Variants in RAB37 observed in about 807,000 individuals in gnomAD.
RAB37 encodes the protein ras-related protein Rab-37.
In RAB37, 29 loss-of-function variants were observed where a neutral mutation model predicts 33.1. The ratio of observed to expected loss-of-function variants is 0.88; its 90% confidence interval spans 0.65 to 1.20. The LOEUF (loss-of-function observed/expected upper bound fraction) is 1.20, where lower values mean the gene tolerates loss of function less well. RAB37 is among the 50% of genes most tolerant of loss of function. The pLI, the probability that RAB37 is intolerant of heterozygous loss-of-function variation, is 0.00. For missense variants in RAB37, 299 were observed against 301.1 expected, an observed-to-expected ratio of 0.99 and a Z score of 0.05; for synonymous variants, 128 against 119.5, an observed-to-expected ratio of 1.07 and a Z score of -0.47.
Position 74,729,153 on chromosome 17 carries a change from C to A in RAB37, c.73-103C>A. On this transcript the variant is annotated intron_variant, in intron 1 of 7. Transcript: ENST00000340415. The surrounding 1 kb of genome is among the most constrained non-coding windows in gnomAD (Gnocchi z 4.2). ...TCTGTGTGTGTGTGTGCATGTTGTGCACATGCGTGCTTAGAAAGAATCCAC... is the reference window on the plus strand; with the variant it reads ...TCTGTGTGTGTGTGTGCATGTTGTGAACATGCGTGCTTAGAAAGAATCCAC... The A allele has an allele frequency of 2.6e-6, 2 of 768,816 alleles. No homozygotes were observed. The highest frequency in any genetic ancestry group is 1.8e-5 in the Admixed American group (1 of 55,338). 47.6% of individuals were successfully genotyped at this position (768,816 alleles called of 1,614,324 possible).
In RAB37 at chr17:74,712,715, A is replaced by G; in HGVS notation, c.73-16541A>G. The G allele has an allele frequency of 3.6e-6, 4 of 1,122,410 alleles. No homozygotes were observed. In the Admixed American group the frequency reaches 7.4e-5, roughly 21 times the overall value. The allele number at this position is 1,122,410 out of a possible 1,614,324, so 69.5% of individuals were successfully genotyped here. A position where few individuals can be genotyped will look rare whatever the true frequency, so the allele number is the denominator to read the frequency against. ...GGTGGGTATGTGGATGAAACGCACAAGGCTCATGCCATTAAGGACACCTTC... is the reference window on the plus strand; with the variant it reads ...GGTGGGTATGTGGATGAAACGCACAGGGCTCATGCCATTAAGGACACCTTC... On this transcript the variant is annotated intron_variant, in intron 1 of 7. Transcript: ENST00000340415.
intron 1 of RAB37, among the ~76,000 whole-genome samples, chr17:74,720,872 A>G (rs1437205426): frequency 6.6e-6 from 1 of 152,096 alleles, no homozygotes; most frequent in Non-Finnish European, 1.5e-5. Flanking sequence ...TAAGCGGTGG[A>G]AGTGGCTCTC....
chr17:74,718,357 A>G (rs2034195531), intron 1 of RAB37, among the ~76,000 whole-genome samples: 1 of 151,608 alleles, frequency 6.6e-6, no homozygotes. Flanking sequence ...ATCATATCAT[A>G]TCATATCCAC....
In RAB37 at chr17:74,729,410, A is replaced by G. The variant is rs751609858; in HGVS notation, c.183+44A>G. On this transcript the variant is annotated intron_variant, in intron 2 of 7. Coordinates refer to the RAB37 transcript ENST00000340415. This position sits in a 1 kb window ranked among gnomAD's most constrained non-coding sequence, Gnocchi z 4.2. Reference sequence around the variant, plus strand: ...TGCCAGCTCTGGGCCTGGGCTCAGGACCCCAGCGTGTTTCTGTTGAGTGCC... The same window carrying G: ...TGCCAGCTCTGGGCCTGGGCTCAGGGCCCCAGCGTGTTTCTGTTGAGTGCC... The G allele has an allele frequency of 7.3e-7, 1 of 1,370,800 alleles. No homozygotes were observed. The highest frequency in any genetic ancestry group is 1.7e-5 in the Admixed American group (1 of 59,710). 84.9% of individuals were successfully genotyped at this position (1,370,800 alleles called of 1,614,324 possible). A position where few individuals can be genotyped will look rare whatever the true frequency, so the allele number is the denominator to read the frequency against.
intron 1 of RAB37, among the ~76,000 whole-genome samples, chr17:74,716,830 T>C (rs2034170715): frequency 6.6e-6 from 1 of 152,106 alleles, no homozygotes; most frequent in African/African-American, 2.4e-5. Flanking sequence ...CACTCCAAGG[T>C]TGTTTTTTAA....
At chr17:74,672,811 T>C (rs2031735202) in intron 1 of RAB37, 1 of 152,240 alleles carries the variant, frequency 6.6e-6, no homozygotes, top group Admixed American at 6.5e-5. Flanking sequence ...TGAATCTGAA[T>C]CTGCATTTTA....
At chr17:74,731,118 A>G (rs1567810824) in intron 2 of RAB37, among the ~76,000 whole-genome samples, 1 of 152,114 alleles carries the variant, frequency 6.6e-6, no homozygotes, top group African/African-American at 2.4e-5. Flanking sequence ...GGGACACCTG[A>G]GCAAAGAACT....
chr17:74,698,598 T>C, intron 1 of RAB37: 1 of 1,503,410 alleles, frequency 6.7e-7, no homozygotes, highest in South Asian at 1.3e-5. Context: ...AGGTCTGTAG[T>C]TTGCAGCCTG....
At chr17:74,723,779 G>C (rs899361866) in intron 1 of RAB37, among the ~76,000 whole-genome samples, 23 of 152,092 alleles carry the variant, frequency 1.5e-4, no homozygotes, top group African/African-American at 5.5e-4. Flanking sequence ...GTTTCACTAT[G>C]TTGGCAGGCT....
In RAB37 at chr17:74,675,871, G is replaced by A. The variant is rs148959521; in HGVS notation, c.72+4213G>A. Among the ~76,000 whole-genome samples the A allele has an allele frequency of 6.9e-3, 1,044 of 152,302 alleles. 6 individuals carry two copies. Among genetic ancestry groups the A allele is most frequent in the Middle Eastern group, 0.01 (3 of 294 alleles). On this transcript the variant is annotated intron_variant, in intron 1 of 7. Coordinates refer to the RAB37 transcript ENST00000340415. ...ATTCCCGTAGGGTGGGCTGGAAGCT[G>A]GGAACTGACTGAAAACATTGAGCTC... is the stretch of plus-strand genomic sequence containing the variant.
At chr17:74,677,147 C>A (rs894527146) in intron 1 of RAB37, among the ~76,000 whole-genome samples, 2 of 151,630 alleles carry the variant, frequency 1.3e-5, no homozygotes, top group African/African-American at 4.9e-5. Context: ...GAGACTCTGT[C>A]CCCCCACAAA....
upstream of RAB37, chr17:74,736,610 T>C (rs553520655): frequency 3.8e-4 from 589 of 1,533,422 alleles, no homozygotes; most frequent in Non-Finnish European, 4.9e-4. Flanking sequence ...AGCTCTCCCC[T>C]GGTGGGACAT....
chr17:74,719,685 T>C (rs1434008431), intron 1 of RAB37, among the ~76,000 whole-genome samples: 2 of 151,960 alleles, frequency 1.3e-5, no homozygotes, highest in African/African-American at 4.8e-5. Flanking sequence ...GCCCAGCTTA[T>C]TGTTTTATTT....
chr17:74,687,514 A>G (rs888235044), intron 1 of RAB37, among the ~76,000 whole-genome samples: 7 of 152,154 alleles, frequency 4.6e-5, no homozygotes, highest in African/African-American at 1.7e-4. Context: ...GTGAGCCACC[A>G]CACCCAGCCA....
Position 74,738,950 on chromosome 17 carries a change from CCCT to C in RAB37, c.93+1592_93+1594del, listed in dbSNP as rs1313392415. ...TCTAGAAATACCTCAAAGACATTAT[CCCT>C]CCTCCTTCTACCCACTATGGAAACC... On this transcript the variant is annotated intron_variant, in intron 1 of 8. Transcript: ENST00000392613. This position sits in a 1 kb window ranked among gnomAD's most constrained non-coding sequence, Gnocchi z 5.0. Among the ~76,000 whole-genome samples the C allele has an allele frequency of 1.6e-4, 24 of 152,294 alleles. No individual in the cohort carries two copies. In the East Asian group the frequency reaches 3.7e-3, roughly 23 times the overall value.
intron 1 of RAB37, among the ~76,000 whole-genome samples, chr17:74,700,139 CTCAA>C (rs1046403457): frequency 2.4e-5 from 3 of 124,180 alleles, no homozygotes; most frequent in African/African-American, 7.8e-5. Flanking sequence ...AAGACCCTGT[CTCAA>C]TAAATAAATA....
At chr17:74,724,423 G>T (rs1287463907) in intron 1 of RAB37, among the ~76,000 whole-genome samples, 6 of 152,232 alleles carry the variant, frequency 3.9e-5, no homozygotes, top group Admixed American at 3.9e-4. Context: ...TGGGAGGTAG[G>T]TTTGCCCTAA....
chr17:74,696,651 C>T lies in RAB37; in HGVS notation c.72+24993C>T, dbSNP rs141139026. 3.0e-3 allele frequency among the ~76,000 whole-genome samples: 459 copies of T among 152,352 alleles called. 2 individuals are homozygous for T. Among genetic ancestry groups the T allele is most frequent in the African/African-American group, 0.01 (425 of 41,580 alleles). Reference sequence around the variant, plus strand: ...TACCCAGGCTGTCTAATCCCCCTCCCGGGCCCCCGGGGGGCACTTGCTCTA... The same window carrying T: ...TACCCAGGCTGTCTAATCCCCCTCCTGGGCCCCCGGGGGGCACTTGCTCTA... On this transcript the variant is annotated intron_variant, in intron 1 of 7. Transcript: ENST00000340415.
At chr17:74,725,170 A>AG (rs2034290493) in intron 1 of RAB37, among the ~76,000 whole-genome samples, 1 of 152,180 alleles carries the variant, frequency 6.6e-6, no homozygotes, top group African/African-American at 2.4e-5. Flanking sequence ...GTGGCAGCCT[A>AG]GGGACAAACA....
Sources: gnomAD v4.1 joint callset for allele counts (sites outside exome capture counted in the v4.1 genomes callset) on GRCh38, gnomAD v4.1.1 for gene constraint, Gnocchi (gnomAD v3.1) non-coding constraint, MANE v1.5 for transcripts, NCBI Gene and HGNC (gene_info 2026-07-23, HGNC 2026-07-21) for gene names.